RGS7: variants seen among roughly 807,000 people sequenced by gnomAD.
RGS7 encodes the protein regulator of G protein signaling 7.
A neutral mutation model predicts 81.1 loss-of-function variants in RGS7; 27 were observed. The observed-to-expected ratio is 0.33, with a 90% CI of 0.25 to 0.46. The LOEUF is 0.46. Among genes scored for constraint, RGS7 ranks in the 20% least tolerant of loss-of-function variants. The pLI is 1.00. For missense variants in RGS7, 396 were observed against 607.4 expected, an observed-to-expected ratio of 0.65 and a Z score of 3.66; for synonymous variants, 208 against 207.7, an observed-to-expected ratio of 1.00 and a Z score of -0.01.
At chr1:241,091,540 T>A (rs900045627) in intron 3 of RGS7, among the ~76,000 whole-genome samples, 3 of 140,126 alleles carry the variant, frequency 2.1e-5, no homozygotes, top group African/African-American at 8.1e-5. Flanking sequence ...AGAGCGAGAC[T>A]CTGTCTCAAT....
At chr1:240,848,992 G>C (rs1468677918) in intron 9 of RGS7, among the ~76,000 whole-genome samples, 1 of 152,150 alleles carries the variant, frequency 6.6e-6, no homozygotes, top group Non-Finnish European at 1.5e-5. Context: ...CTCCAACCCA[G>C]ATGATGCCTT....
At chr1:241,232,884 G>C (rs893369100) in intron 2 of RGS7, among the ~76,000 whole-genome samples, 1 of 152,002 alleles carries the variant, frequency 6.6e-6, no homozygotes, top group Admixed American at 6.6e-5. Flanking sequence ...TTATTCCTAA[G>C]TGCTTTGTAC....
intron 3 of RGS7, among the ~76,000 whole-genome samples, chr1:241,089,993 CAAAAAAAA>C (rs10716500): frequency 3.2e-5 from 3 of 93,046 alleles, no homozygotes; most frequent in Non-Finnish European, 6.6e-5. Flanking sequence ...GACTCCATCT[CAAAAAAAA>C]AAAAAAAAAA....
intron 2 of RGS7, among the ~76,000 whole-genome samples, chr1:241,168,064 T>C (rs75844023): frequency 0.027 from 4,141 of 152,346 alleles, 200 homozygotes; most frequent in African/African-American, 0.095. Context: ...ATATGGACTC[T>C]TGGCCACTAA....
intron 2 of RGS7, among the ~76,000 whole-genome samples, chr1:241,282,917 T>A (rs1558271120): frequency 6.6e-6 from 1 of 152,192 alleles, no homozygotes; most frequent in Non-Finnish European, 1.5e-5. Context: ...TCACCTCCTA[T>A]CTGCTTATCA....
chr1:240,887,445 G>A (rs1199145119), intron 6 of RGS7, among the ~76,000 whole-genome samples: 1 of 152,046 alleles, frequency 6.6e-6, no homozygotes, highest in East Asian at 1.9e-4. Flanking sequence ...AGCCAGGATG[G>A]TCTCAATCTC....
intron 4 of RGS7, among the ~76,000 whole-genome samples, chr1:240,938,122 C>T (rs997350959): frequency 6.6e-5 from 10 of 152,172 alleles, no homozygotes; most frequent in African/African-American, 2.4e-4. Flanking sequence ...TTGGTATCCT[C>T]AGGGGATTGG....
intron 10 of RGS7, chr1:240,822,923 C>T (rs183752050): frequency 6.7e-5 from 29 of 429,956 alleles, no homozygotes; most frequent in African/African-American, 4.9e-4. Flanking sequence ...TAATAAACAC[C>T]GAAATACTAG....
At chr1:241,084,584 A>G (rs2063324435) in intron 3 of RGS7, among the ~76,000 whole-genome samples, 1 of 152,184 alleles carries the variant, frequency 6.6e-6, no homozygotes, top group African/African-American at 2.4e-5. Flanking sequence ...AAGGTCAGTC[A>G]CACTCATATG....
chr1:240,904,032 C>G (rs1670434439), intron 6 of RGS7, among the ~76,000 whole-genome samples: 1 of 152,168 alleles, frequency 6.6e-6, no homozygotes, highest in South Asian at 2.1e-4. Context: ...CCTAGCAACA[C>G]TAAATGAACT....
intron 18 of RGS7, among the ~76,000 whole-genome samples, chr1:240,781,671 G>T (rs1684119850): frequency 6.6e-6 from 1 of 152,192 alleles, no homozygotes; most frequent in African/African-American, 2.4e-5. Flanking sequence ...AAGGATATTT[G>T]TTTTGTATAT....
At chr1:241,287,756 C>T (rs913287197) in intron 2 of RGS7, among the ~76,000 whole-genome samples, 2 of 152,106 alleles carry the variant, frequency 1.3e-5, no homozygotes, top group South Asian at 4.2e-4. Context: ...CATACACACA[C>T]ACACACACGA....
intron 9 of RGS7, among the ~76,000 whole-genome samples, chr1:240,828,496 TA>T (rs1224654566): frequency 3.3e-5 from 5 of 152,086 alleles, no homozygotes; most frequent in Non-Finnish European, 7.4e-5. Flanking sequence ...CTGGTATTAG[TA>T]AAAAACATCG....
At chr1:240,967,916 A>G (rs1048242595) in intron 4 of RGS7, among the ~76,000 whole-genome samples, 3 of 152,200 alleles carry the variant, frequency 2.0e-5, no homozygotes, top group Non-Finnish European at 4.4e-5. Context: ...GTTTTAAGAA[A>G]AATGTATACA....
At chr1:241,330,425 A>G (rs2081907350) in intron 2 of RGS7, among the ~76,000 whole-genome samples, 1 of 152,244 alleles carries the variant, frequency 6.6e-6, no homozygotes, top group Non-Finnish European at 1.5e-5. Flanking sequence ...AGATTTATGT[A>G]TAAAGCCAGT....
intron 2 of RGS7, among the ~76,000 whole-genome samples, chr1:241,192,182 G>GTA (rs1386582284): frequency 6.7e-6 from 1 of 150,170 alleles, no homozygotes; most frequent in Admixed American, 6.6e-5. Context: ...GTGTGTGTGT[G>GTA]TGTGTGTGTG....
chr1:240,907,821 C>G (rs567769610), intron 6 of RGS7, among the ~76,000 whole-genome samples: 8 of 152,246 alleles, frequency 5.3e-5, no homozygotes, highest in South Asian at 2.1e-4. Context: ...ATTTACCAAC[C>G]AAGTGAAACA....
chr1:241,064,628 G>A (rs2061952463), intron 3 of RGS7, among the ~76,000 whole-genome samples: 1 of 151,890 alleles, frequency 6.6e-6, no homozygotes, highest in Non-Finnish European at 1.5e-5. Context: ...AGGTGAGGTG[G>A]CTCATGCCTG....
intron 6 of RGS7, among the ~76,000 whole-genome samples, chr1:240,883,529 C>T (rs1666798904): frequency 6.6e-6 from 1 of 152,070 alleles, no homozygotes; most frequent in Non-Finnish European, 1.5e-5. Flanking sequence ...TGATTCCCTG[C>T]CTGGAAATTG....
Sources: gnomAD v4.1 joint callset for allele counts (sites outside exome capture counted in the v4.1 genomes callset) on GRCh38, gnomAD v4.1.1 for gene constraint, MANE v1.5 for transcripts, NCBI Gene and HGNC (gene_info 2026-07-23, HGNC 2026-07-21) for gene names.